Variants in COL28A1 observed in about 807,000 individuals in gnomAD.
The protein encoded by COL28A1 is collagen type XXVIII alpha 1 chain, also known as collagen alpha-1(XXVIII) chain.
Under a neutral mutation model 150.2 loss-of-function variants are expected in COL28A1, and 161 were observed. That is an observed-to-expected ratio of 1.07 (90% confidence interval 0.94 to 1.22). The LOEUF (loss-of-function observed/expected upper bound fraction) is 1.22. Ranked by LOEUF, COL28A1 falls within the 50% of genes most tolerant of loss-of-function variation. The pLI, the probability that COL28A1 is intolerant of heterozygous loss-of-function variation, is 0.00. For synonymous variants in COL28A1, 552 were observed against 469.7 expected (o/e 1.18, Z -2.26); for missense variants, 1,617 against 1,388.3 (o/e 1.16, Z -2.62).
intron 21 of COL28A1, among the ~76,000 whole-genome samples, chr7:7,438,535 C>A (rs182139969): frequency 3.9e-5 from 6 of 152,146 alleles, no homozygotes; most frequent in African/African-American, 1.4e-4. Context: ...TATGAAGCAC[C>A]CCTGGTGAAA....
intron 8 of COL28A1, among the ~76,000 whole-genome samples, chr7:7,513,556 C>T (rs1781263928): frequency 6.6e-6 from 1 of 152,210 alleles, no homozygotes; most frequent in South Asian, 2.1e-4. Context: ...AAAAACTGAG[C>T]TTTCACTTAG....
At chr7:7,438,227 G>A (rs1785488901) in intron 21 of COL28A1, among the ~76,000 whole-genome samples, 1 of 152,090 alleles carries the variant, frequency 6.6e-6, no homozygotes, top group Non-Finnish European at 1.5e-5. Context: ...ACTCCAGCCT[G>A]ACCAACAGAG....
At chr7:7,348,712 G>C in the COL28A1 span, among the ~76,000 whole-genome samples, 4 of 151,554 alleles carry the variant, frequency 2.6e-5, no homozygotes, top group Non-Finnish European at 4.4e-5. Context: ...ATTGATTTGA[G>C]ACCTTTCTTC....
At chr7:7,422,056 T>C (rs1185083743) in intron 25 of COL28A1, among the ~76,000 whole-genome samples, 1 of 151,936 alleles carries the variant, frequency 6.6e-6, no homozygotes, top group Non-Finnish European at 1.5e-5. Flanking sequence ...AAAGGGAGAG[T>C]GTGTAAGTTC....
At position 7,444,445 on chromosome 7, in the gene COL28A1, T is replaced by G; in HGVS notation, c.1554A>C (p.Pro518=). ...SIGLPGQPGV[P]GEDGAAGKKG... ...TCTTCCCTGCAGCTCCATCTTCTCC[T>G]GGTACTCCTGGTTGTCCTGGGAGCC... The change falls in exon 19 of 35, where the codon CCA becomes CCC. Residue 518 remains proline, a synonymous_variant. Coordinates refer to ENST00000399429, the MANE Select transcript of COL28A1 (RefSeq NM_001037763.3). The G allele has an allele frequency of 6.2e-7, 1 of 1,614,092 alleles. No homozygotes were observed.
chr7:7,375,746 G>A (rs114218318), intron 30 of COL28A1, among the ~76,000 whole-genome samples: 4,608 of 152,284 alleles, frequency 0.03, 257 homozygotes, highest in African/African-American at 0.1. Flanking sequence ...TTTATCAGCT[G>A]TGTGACCTCG....
chr7:7,448,712 C>G (rs116084543), intron 18 of COL28A1, among the ~76,000 whole-genome samples: 3,170 of 151,390 alleles, frequency 0.021, 87 homozygotes, highest in African/African-American at 0.065. Context: ...AAAATTTATA[C>G]ACAGGTGAAT....
At chr7:7,486,500 T>C (rs924677996) in intron 13 of COL28A1, among the ~76,000 whole-genome samples, 4 of 152,192 alleles carry the variant, frequency 2.6e-5, no homozygotes, top group East Asian at 1.9e-4. Context: ...AGAGCAGACA[T>C]CTTTGTCTTG....
At chr7:7,483,234 G>T (rs926484092) in intron 13 of COL28A1, among the ~76,000 whole-genome samples, 2 of 152,118 alleles carry the variant, frequency 1.3e-5, no homozygotes, top group East Asian at 1.9e-4. Flanking sequence ...TCAAACCATT[G>T]TAAGTTGGGA....
At chr7:7,352,827 C>T (rs1473636988), downstream of COL28A1, among the ~76,000 whole-genome samples, 1 of 152,148 alleles carries the variant, frequency 6.6e-6, no homozygotes, top group Non-Finnish European at 1.5e-5. Context: ...TGCAGATGTG[C>T]CTCAACTAAG....
At chr7:7,456,219 A>G in intron 15 of COL28A1, 107 bp from the exon 16 acceptor site, 1 of 1,352,662 alleles carries the variant, frequency 7.4e-7, no homozygotes, top group Non-Finnish European at 9.7e-7. Flanking sequence ...TTATACTATA[A>G]AAAAAATTCA....
At chr7:7,494,872 G>A (rs1039429591) in intron 11 of COL28A1, among the ~76,000 whole-genome samples, 1 of 152,170 alleles carries the variant, frequency 6.6e-6, no homozygotes, top group East Asian at 1.9e-4. Context: ...GGAGATGTTT[G>A]ATCCAAACAA....
At chr7:7,450,447 G>A (rs1268575286) in intron 18 of COL28A1, among the ~76,000 whole-genome samples, 1 of 152,090 alleles carries the variant, frequency 6.6e-6, no homozygotes, top group Non-Finnish European at 1.5e-5. Flanking sequence ...AGTACTCTAA[G>A]TGAAAAAAAT....
rs572421122 is a variant in COL28A1 at position 7,440,898 on chromosome 7, G to T, written c.1651-37C>A. ...ATTATGAAAATATAGATTTTCGTAT[G>T]GTATTAGCAACCTCCCCTAATCTAG... is the stretch of plus-strand genomic sequence containing the variant. On this transcript the variant is annotated intron_variant, in intron 20 of 34. Transcript: ENST00000399429. 1.7e-5 allele frequency: 18 copies of T among 1,031,108 alleles called. No individual in the cohort carries two copies. The South Asian group carries it at 2.2e-4, about 12-fold the overall frequency. The allele number at this position is 1,031,108 out of a possible 1,614,324, so 63.9% of individuals were successfully genotyped here.
At chr7:7,410,685 G>T (rs1301545640) in intron 27 of COL28A1, among the ~76,000 whole-genome samples, 1 of 150,802 alleles carries the variant, frequency 6.6e-6, no homozygotes, top group Non-Finnish European at 1.5e-5. Context: ...AGTCAAGAAG[G>T]AGAAAAAAAC....
At chr7:7,516,138 A>T (rs1014480827) in intron 7 of COL28A1, among the ~76,000 whole-genome samples, 14 of 152,240 alleles carry the variant, frequency 9.2e-5, no homozygotes, top group African/African-American at 3.4e-4. Flanking sequence ...GTACACTGAA[A>T]GTCATTGTAG....
chr7:7,449,604 A>C (rs1261423452), intron 18 of COL28A1, among the ~76,000 whole-genome samples: 1 of 152,058 alleles, frequency 6.6e-6, no homozygotes, highest in Non-Finnish European at 1.5e-5. Flanking sequence ...ATGATTGTGT[A>C]CATAGGGACT....
chr7:7,455,413 A>C (rs1370846112), intron 16 of COL28A1, among the ~76,000 whole-genome samples: 3 of 152,226 alleles, frequency 2.0e-5, no homozygotes, highest in Non-Finnish European at 4.4e-5. Context: ...ATTTTCCAAA[A>C]GTTATCAGAA....
At chr7:7,450,242 A>G (rs1406779345) in intron 18 of COL28A1, among the ~76,000 whole-genome samples, 1 of 152,138 alleles carries the variant, frequency 6.6e-6, no homozygotes, top group Non-Finnish European at 1.5e-5. Context: ...AGATCCCTAC[A>G]TTGACCCATA....
Sources: gnomAD v4.1 joint callset for allele counts (sites outside exome capture counted in the v4.1 genomes callset) on GRCh38, gnomAD v4.1.1 for gene constraint, MANE v1.5 for transcripts, NCBI Gene and HGNC (gene_info 2026-07-23, HGNC 2026-07-21) for gene names.